TENM4: variants seen among roughly 807,000 people sequenced by gnomAD.
The protein encoded by TENM4 is teneurin transmembrane protein 4.
In TENM4, 82 loss-of-function variants were observed where a neutral mutation model predicts 243.3. The observed-to-expected ratio is 0.34, with a 90% CI of 0.28 to 0.40. TENM4 has a LOEUF of 0.40. TENM4 is among the 10% of genes least tolerant of loss of function. The pLI is 1.00. For synonymous variants in TENM4, 1,412 were observed against 1,456.3 expected (o/e 0.97, Z 0.69); for missense variants, 3,138 against 3,673.3 (o/e 0.85, Z 3.77).
intron 6 of TENM4, among the ~76,000 whole-genome samples, chr11:78,989,458 T>C (rs1417806397): frequency 6.6e-6 from 1 of 152,260 alleles, no homozygotes; most frequent in African/African-American, 2.4e-5. Flanking sequence ...AAATGTCTTC[T>C]CCATTTCACA....
chr11:79,047,028 A>G (rs567182326), intron 6 of TENM4, among the ~76,000 whole-genome samples: 1 of 152,362 alleles, frequency 6.6e-6, no homozygotes, highest in South Asian at 2.1e-4. Flanking sequence ...GGCCCTGATT[A>G]CACAGAGATA....
Position 78,701,861 on chromosome 11 carries a change from C to G in TENM4, c.4752G>C (p.Gln1584His). The G allele has an allele frequency of 6.2e-7, 1 of 1,614,026 alleles. No homozygotes were observed. Among genetic ancestry groups the G allele is most frequent in the East Asian group, 2.2e-5 (1 of 44,878 alleles). ...NMYELSSPID[Q>H]ELYLFDTTGK... Reference sequence around the variant, plus strand: ...CGGTGGTATCAAACAGATAGAGCTCCTGGTCAATTGGTGAAGACAGCTCAT... The same window carrying G: ...CGGTGGTATCAAACAGATAGAGCTCGTGGTCAATTGGTGAAGACAGCTCAT... Residue 1584 changes from glutamine to histidine, a missense_variant, in exon 28 of 34, where the codon CAG becomes CAC. Coordinates refer to ENST00000278550, the MANE Select transcript of TENM4 (RefSeq NM_001098816.3).
At chr11:78,972,076 T>C (rs1395728281) in intron 6 of TENM4, among the ~76,000 whole-genome samples, 1 of 152,240 alleles carries the variant, frequency 6.6e-6, no homozygotes, top group Non-Finnish European at 1.5e-5. Flanking sequence ...TTTTTTAAAA[T>C]ATATTCTAAT....
chr11:79,061,403 G>A (rs112574203), intron 6 of TENM4, among the ~76,000 whole-genome samples: 3 of 152,228 alleles, frequency 2.0e-5, no homozygotes, highest in Admixed American at 6.5e-5. Context: ...CTGCCCACCC[G>A]TCTACCCTGA....
intron 1 of TENM4, among the ~76,000 whole-genome samples, chr11:79,334,339 A>C (rs557101751): frequency 6.6e-6 from 1 of 152,306 alleles, no homozygotes. Flanking sequence ...GCCCTGACCT[A>C]GGCCAGGTGC....
At chr11:79,283,179 T>C (rs1856186725) in intron 2 of TENM4, among the ~76,000 whole-genome samples, 2 of 150,006 alleles carry the variant, frequency 1.3e-5, no homozygotes, top group East Asian at 2.0e-4. Flanking sequence ...ATTATTCTGA[T>C]AGTAAAATCA....
intron 4 of TENM4, among the ~76,000 whole-genome samples, chr11:79,140,468 G>A (rs1862266589): frequency 6.6e-6 from 1 of 152,034 alleles, no homozygotes; most frequent in South Asian, 2.1e-4. Context: ...AAAATAGTCA[G>A]CAATCCACTG....
At chr11:79,196,177 G>A (rs773623273) in intron 3 of TENM4, among the ~76,000 whole-genome samples, 2 of 152,002 alleles carry the variant, frequency 1.3e-5, no homozygotes, top group Non-Finnish European at 2.9e-5. Context: ...TCCCAGTTTC[G>A]GGTATGTCTT....
intron 4 of TENM4, among the ~76,000 whole-genome samples, chr11:79,145,414 G>A (rs1862378896): frequency 6.6e-6 from 1 of 152,010 alleles, no homozygotes; most frequent in African/African-American, 2.4e-5. Flanking sequence ...TCCCTCGGGG[G>A]CAACCACCAT....
Position 78,722,742 on chromosome 11 carries a change from G to C in TENM4, c.3726C>G (p.Ser1242Arg). The part of the protein sequence containing the change: ...PVALTCGSDG[S>R]LYVGDFNYIR... ...TGTAGTTGAAATCACCCACATAGAG[G>C]CTCCCGTCAGAGCCACAGGTGAGGG... Residue 1242 changes from serine to arginine, a missense_variant, in exon 24 of 34, where the codon AGC (serine) becomes AGG (arginine). Around this residue, in one of 2 missense-constraint regions of TENM4, gnomAD observed 2,467 missense variants for 3,059.1 expected, o/e 0.81. Transcript: ENST00000278550. The C allele has an allele frequency of 6.2e-7, 1 of 1,614,042 alleles. No individual in the cohort carries two copies. The highest frequency in any genetic ancestry group is 8.5e-7 in the Non-Finnish European group (1 of 1,179,892).
intron 1 of TENM4, chr11:79,439,031 A>T (rs1293365447): frequency 6.6e-6 from 1 of 151,716 alleles, no homozygotes; most frequent in Non-Finnish European, 1.5e-5. Flanking sequence ...GTTCCGGGTA[A>T]TCACCGAGGC....
rs73498541 is a variant in TENM4 at position 78,800,846 on chromosome 11, G to A, written c.2179+4446C>T. ...CAGATGTGGTTTGAATCTGGACTCC[G>A]CCACTTATGAGTCGGGTGAGGGTTG... On this transcript the variant is annotated intron_variant, in intron 15 of 33. Transcript: ENST00000278550. Among the ~76,000 whole-genome samples, 1,331 of 152,066 alleles carry A rather than the reference G, an allele frequency of 8.8e-3. 16 individuals are homozygous for A. The highest frequency in any genetic ancestry group is 0.031 in the African/African-American group (1,281 of 41,486).
At chr11:79,148,896 TG>T (rs1565224466) in intron 3 of TENM4, 90 bp from the exon 4 acceptor site, 4 of 289,236 alleles carry the variant, frequency 1.4e-5, no homozygotes, top group Non-Finnish European at 2.1e-5. Context: ...GCTTGGGAGG[TG>T]GGGGTGAGAC....
intron 6 of TENM4, among the ~76,000 whole-genome samples, chr11:78,998,634 G>A (rs1858236184): frequency 6.6e-6 from 1 of 151,936 alleles, no homozygotes; most frequent in Non-Finnish European, 1.5e-5. Context: ...TGTCCACCAC[G>A]CCTTGGCCAG....
chr11:78,676,857 A>ACAT (rs1318876831), intron 29 of TENM4, among the ~76,000 whole-genome samples: 4 of 152,208 alleles, frequency 2.6e-5, no homozygotes, highest in African/African-American at 4.8e-5. Flanking sequence ...TTTAGTTTAA[A>ACAT]CATTATTCTA....
chr11:79,368,378 C>A (rs1334684845), intron 1 of TENM4, among the ~76,000 whole-genome samples: 1 of 152,258 alleles, frequency 6.6e-6, no homozygotes, highest in Non-Finnish European at 1.5e-5. Context: ...TGTCCACCAA[C>A]CTCGACAGAG....
Position 78,914,498 on chromosome 11 carries a change from G to T in TENM4, c.494-10975C>A, listed in dbSNP as rs111589510. On this transcript the variant is annotated intron_variant, in intron 6 of 33. Coordinates refer to ENST00000278550, the MANE Select transcript of TENM4 (RefSeq NM_001098816.3). ...CAGTATTGAATGGGCTGCCTCTTAA[G>T]GTAGTGAGCTCCTTGTCAGTGAAGC... Among the ~76,000 whole-genome samples the T allele has an allele frequency of 2.0e-3, 302 of 152,264 alleles. 2 individuals are homozygous for T. The highest frequency in any genetic ancestry group is 2.9e-3 in the South Asian group (14 of 4,806).
chr11:79,029,887 G>C (rs1297180308), intron 6 of TENM4, among the ~76,000 whole-genome samples: 1 of 152,164 alleles, frequency 6.6e-6, no homozygotes, highest in Non-Finnish European at 1.5e-5. Flanking sequence ...TTTATGGGGA[G>C]AAATCATATC....
intron 1 of TENM4, among the ~76,000 whole-genome samples, chr11:79,393,504 A>G (rs1858278950): frequency 6.6e-6 from 1 of 152,234 alleles, no homozygotes; most frequent in Admixed American, 6.5e-5. Flanking sequence ...ACAAGGGGCA[A>G]AAGCACACCT....
Sources: allele counts gnomAD v4.1 joint callset (sites outside exome capture counted in the v4.1 genomes callset), GRCh38; gene constraint gnomAD v4.1.1; regional missense constraint gnomAD v4.1.1; transcripts MANE v1.5; gene names NCBI Gene and HGNC (gene_info 2026-07-23, HGNC 2026-07-21).